The following MACROD2 variants were observed in gnomAD, a reference collection of about 807,000 sequenced individuals.
MACROD2 encodes mono-ADP ribosylhydrolase 2.
MACROD2 carries 36 observed loss-of-function variants against 70.4 expected under a neutral mutation model. That is an observed-to-expected ratio of 0.51 (90% confidence interval 0.39 to 0.68). The LOEUF is 0.68. MACROD2 is among the 30% of genes least tolerant of loss of function. The pLI is 0.00. For synonymous variants in MACROD2, 172 were observed against 178.8 expected, an observed-to-expected ratio of 0.96 and a Z score of 0.30; for missense variants, 496 against 538.4, an observed-to-expected ratio of 0.92 and a Z score of 0.78.
chr20:14,472,600 T>A (rs2084542698), intron 3 of MACROD2, among the ~76,000 whole-genome samples: 1 of 152,186 alleles, frequency 6.6e-6, no homozygotes, highest in Admixed American at 6.5e-5. Context: ...AATAATTAAT[T>A]AAAATTTTAT....
rs3070249 is a variant in MACROD2, at chr20:15,085,873, A to AACACACACACACACACAC, written c.419-144045_419-144028dup. 1.3e-4 allele frequency among the ~76,000 whole-genome samples: 19 copies of AACACACACACACACACAC among 144,386 alleles called. No individual in the cohort carries two copies. The South Asian group carries it at 2.1e-3, about 16-fold the overall frequency. The allele number at this position is 144,386 out of a possible 152,430, so 94.7% of individuals were successfully genotyped here. A position where few individuals can be genotyped will look rare whatever the true frequency, so the allele number is the denominator to read the frequency against. The stretch of plus-strand genomic sequence containing the variant: ...AAAGATGAATAACACACACACACAC[A>AACACACACACACACACAC]ACACACACACACACACACACACACA... On this transcript the variant is annotated intron_variant, in intron 5 of 17. Coordinates refer to ENST00000684519, the MANE Select transcript of MACROD2 (RefSeq NM_001351661.2).
rs1411444938 is a variant in MACROD2 at position 15,035,393 on chromosome 20, G to A, written c.419-194547G>A. Among the ~76,000 whole-genome samples, 4 of 151,002 alleles carry A rather than the reference G, an allele frequency of 2.6e-5. No homozygotes were observed. In the East Asian group the frequency reaches 5.8e-4, roughly 22 times the overall value. ...CACTGAAGCCTGGGCAACAGAGTGA[G>A]ACCTTGTCTCCAAAAAAATAAGTAA... On this transcript the variant is annotated intron_variant, in intron 5 of 17. Transcript: ENST00000684519.
At chr20:14,590,699 G>A (rs1446508263) in intron 4 of MACROD2, among the ~76,000 whole-genome samples, 1 of 151,952 alleles carries the variant, frequency 6.6e-6, no homozygotes, top group African/African-American at 2.4e-5. Flanking sequence ...TTTCTCTACT[G>A]TAAGCAACAT....
chr20:14,376,952 T>C (rs1205493279), intron 3 of MACROD2, among the ~76,000 whole-genome samples: 4 of 152,062 alleles, frequency 2.6e-5, no homozygotes, highest in Non-Finnish European at 4.4e-5. Flanking sequence ...AAAGATTTCT[T>C]GTGAGGATTT....
At chr20:15,032,397 T>C (rs1288703700) in intron 5 of MACROD2, among the ~76,000 whole-genome samples, 1 of 152,180 alleles carries the variant, frequency 6.6e-6, no homozygotes, top group Non-Finnish European at 1.5e-5. Context: ...CAGCGGACGC[T>C]CCAGATGGGC....
rs370973892 is a variant in MACROD2, at chr20:14,849,808, T to G, written c.418+164849T>G. ...AATAAATACATAGATAAGTAGTAAC[T>G]CTCACATCTAAAGAGCAAGAGCAGA... On this transcript the variant is annotated intron_variant, in intron 5 of 17. Transcript: ENST00000684519. 3.7e-5 allele frequency: 12 copies of G among 321,728 alleles called. No individual in the cohort carries two copies. In the East Asian group the frequency reaches 6.4e-4, roughly 17 times the overall value. The allele number at this position is 321,728 out of a possible 1,614,324, so 19.9% of individuals were successfully genotyped here. A position where few individuals can be genotyped will look rare whatever the true frequency, so the allele number is the denominator to read the frequency against.
chr20:14,812,708 C>G (rs2072729613), intron 5 of MACROD2, among the ~76,000 whole-genome samples: 1 of 152,072 alleles, frequency 6.6e-6, no homozygotes, highest in Admixed American at 6.6e-5. Context: ...GCTCAAACAT[C>G]ACTCAACACA....
chr20:15,077,883 G>A (rs1413116341), intron 5 of MACROD2, among the ~76,000 whole-genome samples: 2 of 152,176 alleles, frequency 1.3e-5, no homozygotes, highest in African/African-American at 2.4e-5. Flanking sequence ...GCGTTTGGAA[G>A]TGTTGATATG....
intron 5 of MACROD2, among the ~76,000 whole-genome samples, chr20:14,920,525 C>T (rs140227926): frequency 2.6e-4 from 40 of 152,116 alleles, no homozygotes; most frequent in African/African-American, 8.2e-4. Flanking sequence ...GATTTCTTTG[C>T]GCTCTCATTT....
At chr20:15,078,463 C>G (rs1189414901) in intron 5 of MACROD2, among the ~76,000 whole-genome samples, 1 of 152,144 alleles carries the variant, frequency 6.6e-6, no homozygotes, top group Non-Finnish European at 1.5e-5. Flanking sequence ...GTAAACTGCT[C>G]AGGATGACAA....
chr20:15,198,844 TG>T (rs1443212325), intron 5 of MACROD2, among the ~76,000 whole-genome samples: 4 of 152,206 alleles, frequency 2.6e-5, no homozygotes, highest in African/African-American at 9.7e-5. Flanking sequence ...GCTCTTGACA[TG>T]TGACTCCACC....
At chr20:15,540,977 A>C (rs1407748428) in intron 8 of MACROD2, among the ~76,000 whole-genome samples, 1 of 152,192 alleles carries the variant, frequency 6.6e-6, no homozygotes, top group East Asian at 1.9e-4. Flanking sequence ...TAATTACATC[A>C]GTGGTGAGAC....
At chr20:16,038,671 G>T (rs2147604468) in intron 15 of MACROD2, among the ~76,000 whole-genome samples, 1 of 151,850 alleles carries the variant, frequency 6.6e-6, no homozygotes, top group East Asian at 1.9e-4. Flanking sequence ...AGCTGCCTCT[G>T]CAATACCTGG....
At chr20:14,888,646 A>G (rs1314147895) in intron 5 of MACROD2, 1 of 152,210 alleles carries the variant, frequency 6.6e-6, no homozygotes, top group African/African-American at 2.4e-5. Flanking sequence ...GGACAATAAC[A>G]TAGTGTCAGT....
rs183194194 is a variant in MACROD2 at position 14,807,711 on chromosome 20, C to T, written c.418+122752C>T. Among the ~76,000 whole-genome samples, 310 of 152,128 alleles carry T rather than the reference C, an allele frequency of 2.0e-3. 4 individuals carry two copies. Among genetic ancestry groups the T allele is most frequent in the Middle Eastern group, 3.4e-3 (1 of 294 alleles). On this transcript the variant is annotated intron_variant, in intron 5 of 17. Transcript: ENST00000684519. Reference sequence around the variant, plus strand: ...GAACCTTGATAAAAGGTTAGAGGAACGGCTAAGTAGAATAACCAGTGTAGA... The same window carrying T: ...GAACCTTGATAAAAGGTTAGAGGAATGGCTAAGTAGAATAACCAGTGTAGA...
intron 4 of MACROD2, among the ~76,000 whole-genome samples, chr20:14,613,409 A>T (rs759368598): frequency 2.6e-5 from 4 of 152,068 alleles, no homozygotes; most frequent in Admixed American, 1.3e-4. Context: ...CTTGGTTAAC[A>T]TATATGGGGA....
chr20:15,231,387 G>T (rs175286), intron 6 of MACROD2, among the ~76,000 whole-genome samples: 42,068 of 151,716 alleles, frequency 0.28, 6,042 homozygotes, highest in African/African-American at 0.33. Context: ...ATCAAAACAG[G>T]TATGCACATT....
intron 5 of MACROD2, among the ~76,000 whole-genome samples, chr20:15,059,503 T>C (rs188281677): frequency 1.8e-3 from 275 of 152,312 alleles, no homozygotes; most frequent in Non-Finnish European, 3.5e-3. Context: ...ATAACAGGGA[T>C]TATTAGAACA....
At chr20:14,749,212 G>A (rs528329956) in intron 5 of MACROD2, among the ~76,000 whole-genome samples, 3 of 152,122 alleles carry the variant, frequency 2.0e-5, no homozygotes, top group Admixed American at 6.5e-5. Flanking sequence ...AACCATTTCT[G>A]CAGCTCGTAC....
Sources: allele counts gnomAD v4.1 joint callset (sites outside exome capture counted in the v4.1 genomes callset), GRCh38; gene constraint gnomAD v4.1.1; transcripts MANE v1.5; gene names NCBI Gene and HGNC (gene_info 2026-07-23, HGNC 2026-07-21).